Variants in SPATA13 observed in about 807,000 individuals in gnomAD.
SPATA13 encodes the protein spermatogenesis associated 13.
A neutral mutation model predicts 104.0 loss-of-function variants in SPATA13; 50 were observed. That is an observed-to-expected ratio of 0.48 (90% CI 0.38 to 0.61). The LOEUF is 0.61. SPATA13 is among the 20% of genes least tolerant of loss of function. The pLI is 0.00. For synonymous variants in SPATA13, 606 were observed against 667.5 expected, an observed-to-expected ratio of 0.91 and a Z score of 1.42; for missense variants, 1,524 against 1,690.6, an observed-to-expected ratio of 0.90 and a Z score of 1.73.
At chr13:24,121,991 C>T (rs1460734410) in intron 3 of SPATA13, 2 of 1,021,396 alleles carry the variant, frequency 2.0e-6, no homozygotes, top group African/African-American at 1.6e-5. Context: ...ATAACATGAA[C>T]CACTTCTGGA....
Position 24,249,681 on chromosome 13 carries a change from G to A in SPATA13, c.1858G>A (p.Glu620Lys), listed in dbSNP as rs1873370412. Residue 620 changes from glutamate (E) to lysine (K), a missense_variant, in exon 3 of 13, where the codon GAG becomes AAG. This residue lies in a region of SPATA13 where 1,089 missense variants were observed against 1,135.9 expected (regional missense o/e 0.96). Coordinates refer to ENST00000382108, the MANE Select transcript of SPATA13 (RefSeq NM_001166271.3). ...CCCCCAGAAGGAAGACCGTGTGGAC[G>A]AGGACCCCCAGGCAAGCATGACTTC... The part of the protein sequence containing the change: ...ADPQKEDRVD[E>K]DPQASMTSAS... 3.1e-6 allele frequency: 5 copies of A among 1,614,188 alleles called. No homozygotes were observed. The highest frequency in any genetic ancestry group is 4.2e-6 in the Non-Finnish European group (5 of 1,180,024).
At chr13:24,167,685 T>A (rs931511971) in intron 1 of SPATA13, among the ~76,000 whole-genome samples, 1 of 152,084 alleles carries the variant, frequency 6.6e-6, no homozygotes, top group African/African-American at 2.4e-5. Flanking sequence ...ACACACACAC[T>A]CACTCACTCA....
chr13:23,996,355 T>G (rs1463755333), intron 2 of SPATA13, among the ~76,000 whole-genome samples: 1 of 152,128 alleles, frequency 6.6e-6, no homozygotes, highest in Non-Finnish European at 1.5e-5. Context: ...AAAATTCAGA[T>G]AAGCCAGAGA....
intron 3 of SPATA13, chr13:24,123,240 G>T: frequency 1.3e-6 from 2 of 1,599,236 alleles, no homozygotes; most frequent in Admixed American, 3.3e-5. Flanking sequence ...TACTTGAAGG[G>T]CAATGGCAGC....
At chr13:24,059,690 C>T (rs900972247) in intron 3 of SPATA13, among the ~76,000 whole-genome samples, 7 of 152,200 alleles carry the variant, frequency 4.6e-5, no homozygotes, top group Non-Finnish European at 8.8e-5. Context: ...GATTCTTGCA[C>T]ACTGATTTTG....
intron 3 of SPATA13, among the ~76,000 whole-genome samples, chr13:24,059,895 G>A (rs144253712): frequency 1.9e-4 from 29 of 152,324 alleles, no homozygotes; most frequent in African/African-American, 6.3e-4. Context: ...GAATAGGAGT[G>A]GTAAGAGGGG....
At chr13:24,285,684 T>TTG (rs1411025997) in intron 5 of SPATA13, among the ~76,000 whole-genome samples, 2 of 150,114 alleles carry the variant, frequency 1.3e-5, no homozygotes, top group Non-Finnish European at 3.0e-5. Context: ...ATCTGGCTTT[T>TTG]TTTTTTTTTT....
intron 3 of SPATA13, among the ~76,000 whole-genome samples, chr13:24,058,886 G>A (rs748143271): frequency 6.6e-6 from 1 of 151,722 alleles, no homozygotes. Flanking sequence ...CTGTGCATTT[G>A]TTTACCCCAG....
At chr13:24,004,884 A>G (rs1401514723) in intron 2 of SPATA13, among the ~76,000 whole-genome samples, 2 of 152,138 alleles carry the variant, frequency 1.3e-5, no homozygotes, top group Non-Finnish European at 2.9e-5. Flanking sequence ...TCAAATTTGC[A>G]GTGAAAGCTT....
At chr13:24,142,245 C>T (rs1267167322) in intron 3 of SPATA13, among the ~76,000 whole-genome samples, 1 of 150,726 alleles carries the variant, frequency 6.6e-6, no homozygotes, top group Non-Finnish European at 1.5e-5. Flanking sequence ...AGGATATTAA[C>T]ATGCATACAA....
chr13:24,260,629 ACT>A (rs1874012482), intron 4 of SPATA13, among the ~76,000 whole-genome samples: 2 of 152,254 alleles, frequency 1.3e-5, no homozygotes, highest in African/African-American at 4.8e-5. Flanking sequence ...ACCCAATGAA[ACT>A]CAATAAAAGT....
At chr13:24,115,338 C>T (rs1258287758) in intron 3 of SPATA13, among the ~76,000 whole-genome samples, 3 of 152,216 alleles carry the variant, frequency 2.0e-5, no homozygotes, top group Admixed American at 6.5e-5. Flanking sequence ...CCCCAGCCCA[C>T]AGACTGGCAC....
chr13:24,233,675 C>A (rs1361271473), intron 2 of SPATA13, among the ~76,000 whole-genome samples: 1 of 152,110 alleles, frequency 6.6e-6, no homozygotes, highest in East Asian at 1.9e-4. Flanking sequence ...CTCATTATTA[C>A]CTAATTCTTT....
chr13:24,087,780 C>G (rs1006205589), intron 3 of SPATA13, among the ~76,000 whole-genome samples: 2 of 152,200 alleles, frequency 1.3e-5, no homozygotes, highest in Non-Finnish European at 2.9e-5. Flanking sequence ...CCAGGAAGCC[C>G]GTGTTCTGGG....
intron 3 of SPATA13, among the ~76,000 whole-genome samples, chr13:24,058,262 T>C (rs1878642015): frequency 6.6e-6 from 1 of 151,900 alleles, no homozygotes; most frequent in African/African-American, 2.4e-5. Flanking sequence ...CTACGTGATA[T>C]TGTTATCTGG....
At chr13:24,020,245 A>G in intron 3 of SPATA13, among the ~76,000 whole-genome samples, 1 of 152,216 alleles carries the variant, frequency 6.6e-6, no homozygotes, top group East Asian at 1.9e-4. Context: ...AAACTGTTCC[A>G]TTTCAAACTT....
chr13:24,176,726 AT>A (rs1474262778), intron 1 of SPATA13, among the ~76,000 whole-genome samples: 1 of 152,160 alleles, frequency 6.6e-6, no homozygotes, highest in African/African-American at 2.4e-5. Context: ...ACATATCTAA[AT>A]GATAATGAAA....
At chr13:24,276,291 G>A (rs1339937462) in intron 4 of SPATA13, among the ~76,000 whole-genome samples, 1 of 152,162 alleles carries the variant, frequency 6.6e-6, no homozygotes, top group Non-Finnish European at 1.5e-5. Flanking sequence ...ATCAATGGAA[G>A]TGCTAACCAA....
At chr13:23,994,884 G>T (rs1434726717) in intron 2 of SPATA13, among the ~76,000 whole-genome samples, 1 of 152,180 alleles carries the variant, frequency 6.6e-6, no homozygotes, top group Non-Finnish European at 1.5e-5. Flanking sequence ...AAGCATATCA[G>T]CACACTGTTA....
Sources: gnomAD v4.1 joint callset for allele counts (sites outside exome capture counted in the v4.1 genomes callset) on GRCh38, gnomAD v4.1.1 for gene constraint, gnomAD v4.1.1 regional missense constraint, MANE v1.5 for transcripts, NCBI Gene and HGNC (gene_info 2026-07-23, HGNC 2026-07-21) for gene names.